CELSR1: variants seen among roughly 807,000 people sequenced by gnomAD.
CELSR1 encodes adhesion G protein-coupled receptor C1.
CELSR1 carries 110 observed loss-of-function variants against 249.1 expected under a neutral mutation model. That is an observed-to-expected ratio of 0.44 (90% CI 0.38 to 0.52). The LOEUF (loss-of-function observed/expected upper bound fraction) is 0.52, where lower values mean the gene tolerates loss of function less well. CELSR1 is among the 20% of genes least tolerant of loss of function. CELSR1 has a pLI of 0.00. For synonymous variants in CELSR1, 2,113 were observed against 1,900.0 expected (o/e 1.11, Z -2.92); for missense variants, 4,109 against 4,296.4 (o/e 0.96, Z 1.22).
intron 1 of CELSR1, among the ~76,000 whole-genome samples, chr22:46,509,886 C>T (rs1346607272): frequency 1.3e-5 from 2 of 152,214 alleles, no homozygotes; most frequent in African/African-American, 4.8e-5. Context: ...TCCAAGATGT[C>T]ATGATGCGTC....
At position 46,391,345 on chromosome 22, in the gene CELSR1, A is replaced by C; in HGVS notation, c.6149-58T>G. The C allele has an allele frequency of 6.9e-7, 1 of 1,458,656 alleles. No individual in the cohort carries two copies. Among genetic ancestry groups the C allele is most frequent in the Non-Finnish European group, 9.5e-7 (1 of 1,047,482 alleles). 90.4% of individuals were successfully genotyped at this position (1,458,656 alleles called of 1,614,324 possible). A position where few individuals can be genotyped will look rare whatever the true frequency, so the allele number is the denominator to read the frequency against. On this transcript the variant is annotated intron_variant, in intron 15 of 34. Transcript: ENST00000674500. The surrounding 1 kb of genome is among the most constrained non-coding windows in gnomAD (Gnocchi z 4.3). ...GGGCACGCCACACCCACGACCACAA[A>C]CAGGCACCACTGTCTGCATGCGCCT...
At position 46,391,129 on chromosome 22, in the gene CELSR1, G is replaced by A. The variant is rs1602066650; in HGVS notation, c.6250+57C>T. The stretch of plus-strand genomic sequence containing the variant: ...TCCATGAGTCCCCACATCTCGACTG[G>A]CTCCTCCCACAAGGACGCCTGCCTC... On this transcript the variant is annotated intron_variant, in intron 16 of 34. Transcript: ENST00000674500. This position sits in a 1 kb window ranked among gnomAD's most constrained non-coding sequence, Gnocchi z 4.3. 1.3e-5 allele frequency: 18 copies of A among 1,405,566 alleles called. No homozygotes were observed. The South Asian group carries it at 2.0e-4, about 16-fold the overall frequency. The allele number at this position is 1,405,566 out of a possible 1,614,324, so 87.1% of individuals were successfully genotyped here. A position where few individuals can be genotyped will look rare whatever the true frequency, so the allele number is the denominator to read the frequency against.
In CELSR1 at chr22:46,512,266, C is replaced by T. The variant is rs940770633; in HGVS notation, c.3544+21361G>A. ...AAGCACTCAGGGACTGAGGTGTCAG[C>T]CCCCAAATCAAGGTCCAATACTGGC... is the stretch of plus-strand genomic sequence containing the variant. On this transcript the variant is annotated intron_variant, in intron 1 of 34. Coordinates refer to ENST00000674500, the MANE Select transcript of CELSR1 (RefSeq NM_001378328.1). The surrounding 1 kb of genome is among the most constrained non-coding windows in gnomAD (Gnocchi z 5.2). Among the ~76,000 whole-genome samples, 2 of 150,000 alleles carry T rather than the reference C, an allele frequency of 1.3e-5. No homozygotes were observed. The highest frequency in any genetic ancestry group is 5.1e-5 in the African/African-American group (2 of 39,416).
intron 1 of CELSR1, among the ~76,000 whole-genome samples, chr22:46,515,261 C>G (rs1230691752): frequency 1.3e-5 from 2 of 152,246 alleles, no homozygotes; most frequent in African/African-American, 4.8e-5. Flanking sequence ...AAGTGACCCC[C>G]ACCTGGGCCC....
rs1321833763 is a variant in CELSR1, at chr22:46,500,340, A to AT, written c.3544+33286dup. ...CTGCCTGCTGGAGATGACCTTTTAT[A>AT]TGGAGCCGCTGACAGCCCCCTCCCC... On this transcript the variant is annotated intron_variant, in intron 1 of 34. Transcript: ENST00000674500. This position sits in a 1 kb window ranked among gnomAD's most constrained non-coding sequence, Gnocchi z 4.9. Among the ~76,000 whole-genome samples the AT allele has an allele frequency of 1.3e-5, 2 of 152,096 alleles. No homozygotes were observed. The highest frequency in any genetic ancestry group is 3.2e-3 in the Middle Eastern group (1 of 316).
Position 46,464,000 on chromosome 22 carries a change from T to C in CELSR1, c.3890A>G (p.Gln1297Arg). 6.2e-7 allele frequency: 1 copy of C among 1,613,878 alleles called. No individual in the cohort carries two copies. Among genetic ancestry groups the C allele is most frequent in the Non-Finnish European group, 8.5e-7 (1 of 1,180,044 alleles). ...NRTLLTTIST[Q>R]RVLPFDDNIC... is the part of the protein sequence containing the mutation. ...GTTGTCGTCGAAGGGCAGCACGCGC[T>C]GCGTGGAGATGGTGGTCAGCAGCGT... Residue 1297 changes from glutamine (Q) to arginine (R), a missense_variant, in exon 2 of 35, where the codon CAG (glutamine) becomes CGG (arginine). Coordinates refer to ENST00000674500, the MANE Select transcript of CELSR1 (RefSeq NM_001378328.1).
At chr22:46,453,089 C>A (rs1053672611) in intron 2 of CELSR1, among the ~76,000 whole-genome samples, 1 of 152,186 alleles carries the variant, frequency 6.6e-6, no homozygotes, top group Non-Finnish European at 1.5e-5. Context: ...CCTGCCATGC[C>A]TCGGAGGGAG....
intron 5 of CELSR1, among the ~76,000 whole-genome samples, chr22:46,420,767 C>T (rs762752453): frequency 2.6e-5 from 4 of 152,164 alleles, no homozygotes; most frequent in Non-Finnish European, 5.9e-5. Flanking sequence ...CCTCTTCTTG[C>T]CCTGATGACC....
intron 1 of CELSR1, among the ~76,000 whole-genome samples, chr22:46,516,733 C>T (rs1050612199): frequency 4.6e-5 from 7 of 152,148 alleles, no homozygotes; most frequent in South Asian, 2.1e-4. Context: ...TCCGGCCCAA[C>T]GGACCACAAA....
Position 46,438,972 on chromosome 22 carries a change from G to A in CELSR1, c.4406+217C>T, listed in dbSNP as rs538638229. 7.9e-5 allele frequency among the ~76,000 whole-genome samples: 12 copies of A among 152,246 alleles called. No individual in the cohort carries two copies. In the East Asian group the frequency reaches 2.3e-3, roughly 29 times the overall value. ...GGGGTTTTGCCATGTTGACTAGGCT[G>A]GTCTCAAACTCCCAACCTCAGGTGA... is the stretch of plus-strand genomic sequence containing the variant. On this transcript the variant is annotated intron_variant, in intron 3 of 34. Coordinates refer to ENST00000674500, the MANE Select transcript of CELSR1 (RefSeq NM_001378328.1).
intron 1 of CELSR1, among the ~76,000 whole-genome samples, chr22:46,498,808 C>A (rs142504715): frequency 7.2e-4 from 110 of 151,994 alleles, no homozygotes; most frequent in African/African-American, 2.5e-3. Context: ...TAAGCCTCCG[C>A]CCCCTAACAT....
chr22:46,396,291 C>G lies in CELSR1; in HGVS notation c.5843+314G>C, dbSNP rs988731051. On this transcript the variant is annotated intron_variant, in intron 13 of 34. Coordinates refer to ENST00000674500, the MANE Select transcript of CELSR1 (RefSeq NM_001378328.1). This position sits in a 1 kb window ranked among gnomAD's most constrained non-coding sequence, Gnocchi z 6.4. ...GGCATGGTGGCGGGCACCTGTAGGA[C>G]CAGCTACTCGGGAGGCCGAGGCAGG... Among the ~76,000 whole-genome samples, 1 of 152,020 alleles carries G rather than the reference C, an allele frequency of 6.6e-6. No individual in the cohort carries two copies. The highest frequency in any genetic ancestry group is 2.4e-5 in the African/African-American group (1 of 41,368).
chr22:46,536,092 T>C lies in CELSR1; in HGVS notation c.1079A>G (p.Glu360Gly), dbSNP rs774105309. The C allele has an allele frequency of 6.2e-7, 1 of 1,612,052 alleles. No individual in the cohort carries two copies. Among genetic ancestry groups the C allele is most frequent in the South Asian group, 1.1e-5 (1 of 91,086 alleles). ...SPVFEQSEYR[E>G]RVRENLEVGY... ...CACCTCCAGGTTCTCCCGCACGCGC[T>C]CGCGGTACTCCGACTGCTCGAAGAC... Residue 360 changes from glutamate (E) to glycine (G), a missense_variant, in exon 1 of 35, where the codon GAG (glutamate) becomes GGG (glycine). Physicochemically the swap from Glu to Gly is moderately conservative, Grantham distance 98. Transcript: ENST00000674500.
chr22:46,536,323 T>A lies in CELSR1; in HGVS notation c.848A>T (p.Tyr283Phe). 6.2e-7 allele frequency: 1 copy of A among 1,612,812 alleles called. No homozygotes were observed. Among genetic ancestry groups the A allele is most frequent in the South Asian group, 1.1e-5 (1 of 91,088 alleles). The change falls in exon 1 of 35, where the codon TAC becomes TTC. Residue 283 changes from tyrosine (Y) to phenylalanine (F), a missense_variant. Around this residue, in one of 7 missense-constraint regions of CELSR1, gnomAD observed 673 missense variants for 636.8 expected, o/e 1.06. Coordinates refer to ENST00000674500, the MANE Select transcript of CELSR1 (RefSeq NM_001378328.1). ...IEGEEERVSYYMEGLFDERSR... is the reference protein window; with the variant it reads ...IEGEEERVSYFMEGLFDERSR... ...GCGCTCGTCGAACAGCCCCTCCATG[T>A]AATAGCTCACGCGCTCCTCCTCGCC...
At chr22:46,519,888 T>TTC (rs2080667561) in intron 1 of CELSR1, among the ~76,000 whole-genome samples, 1 of 151,486 alleles carries the variant, frequency 6.6e-6, no homozygotes, top group African/African-American at 2.4e-5. Flanking sequence ...TTTTTTTTTT[T>TTC]CTGAGACAGA....
At chr22:46,492,490 G>A (rs1284678354) in intron 1 of CELSR1, among the ~76,000 whole-genome samples, 3 of 152,082 alleles carry the variant, frequency 2.0e-5, no homozygotes, top group Non-Finnish European at 4.4e-5. Context: ...CTGGTAGCTT[G>A]TGTTATTCCC....
In CELSR1 at chr22:46,374,103, A is replaced by G. The variant is rs561196930; in HGVS notation, c.7585-1046T>C. The stretch of plus-strand genomic sequence containing the variant: ...AACCGAAGCAGGGAACGCAGGCTCA[A>G]GTTATGCCAGAGACAGGCCCTTTGC... On this transcript the variant is annotated intron_variant, in intron 24 of 34. Coordinates refer to ENST00000674500, the MANE Select transcript of CELSR1 (RefSeq NM_001378328.1). The surrounding 1 kb of genome is among the most constrained non-coding windows in gnomAD (Gnocchi z 4.3). 3.3e-4 allele frequency among the ~76,000 whole-genome samples: 50 copies of G among 152,330 alleles called. No individual in the cohort carries two copies. Among genetic ancestry groups the G allele is most frequent in the African/African-American group, 1.2e-3 (49 of 41,558 alleles).
In CELSR1 at chr22:46,441,101, C is replaced by G. The variant is rs1022485303; in HGVS notation, c.4184-1690G>C. On this transcript the variant is annotated intron_variant, in intron 2 of 34. Coordinates refer to ENST00000674500, the MANE Select transcript of CELSR1 (RefSeq NM_001378328.1). This position sits in a 1 kb window ranked among gnomAD's most constrained non-coding sequence, Gnocchi z 6.1. The stretch of plus-strand genomic sequence containing the variant: ...CCGGGAGGCGGAGGTTGTAGCGAGC[C>G]GAGGTCACACTACCGCACTCCAGCC... 3.3e-5 allele frequency among the ~76,000 whole-genome samples: 5 copies of G among 150,250 alleles called. No homozygotes were observed. The highest frequency in any genetic ancestry group is 2.1e-4 in the South Asian group (1 of 4,736).
chr22:46,469,697 G>A (rs2080134191), intron 1 of CELSR1, among the ~76,000 whole-genome samples: 2 of 151,622 alleles, frequency 1.3e-5, no homozygotes, highest in African/African-American at 4.8e-5. Flanking sequence ...TGTATTTTTA[G>A]TAGACGAGGT....
Sources: gnomAD v4.1 joint callset for allele counts (sites outside exome capture counted in the v4.1 genomes callset) on GRCh38, gnomAD v4.1.1 for gene constraint, gnomAD v4.1.1 regional missense constraint, Gnocchi (gnomAD v3.1) non-coding constraint, MANE v1.5 for transcripts, NCBI Gene and HGNC (gene_info 2026-07-23, HGNC 2026-07-21) for gene names.